Variants in SLC8A1 observed in about 807,000 individuals in gnomAD.
The protein encoded by SLC8A1 is solute carrier family 8 member A1.
In SLC8A1, 18 loss-of-function variants were observed where a neutral mutation model predicts 68.3. The observed-to-expected ratio is 0.26, with a 90% CI of 0.18 to 0.39. SLC8A1 has a LOEUF of 0.39. Ranked by LOEUF, SLC8A1 falls within the 10% of genes least tolerant of loss-of-function variation. SLC8A1 has a pLI of 1.00. For synonymous variants in SLC8A1, 475 were observed against 415.5 expected (o/e 1.14, Z -1.74); for missense variants, 985 against 1,156.7 (o/e 0.85, Z 2.15).
chr2:40,449,334 G>C (rs757807372), intron 1 of SLC8A1, among the ~76,000 whole-genome samples: 1 of 152,086 alleles, frequency 6.6e-6, no homozygotes, highest in African/African-American at 2.4e-5. Flanking sequence ...TTTTGTCAAA[G>C]AAATAGATTG....
intron 1 of SLC8A1, among the ~76,000 whole-genome samples, chr2:40,498,615 A>T (rs1705860778): frequency 6.6e-6 from 1 of 152,136 alleles, no homozygotes; most frequent in South Asian, 2.1e-4. Flanking sequence ...AATACAATTT[A>T]ATGTAATCCT....
At chr2:40,470,840 C>A (rs573095044) in intron 1 of SLC8A1, among the ~76,000 whole-genome samples, 2 of 152,040 alleles carry the variant, frequency 1.3e-5, no homozygotes, top group East Asian at 3.9e-4. Flanking sequence ...GAAGTGTTTT[C>A]AATCAACAAT....
intron 2 of SLC8A1, among the ~76,000 whole-genome samples, chr2:40,206,885 T>C (rs1574053280): frequency 6.6e-6 from 1 of 152,026 alleles, no homozygotes; most frequent in Non-Finnish European, 1.5e-5. Context: ...AGGTGCCACA[T>C]TGTAAATGAT....
At chr2:40,235,455 T>C (rs1034593219) in intron 2 of SLC8A1, among the ~76,000 whole-genome samples, 1 of 152,160 alleles carries the variant, frequency 6.6e-6, no homozygotes, top group Admixed American at 6.5e-5. Context: ...ATCCCCTTTA[T>C]CATTTTTTAT....
intron 1 of SLC8A1, among the ~76,000 whole-genome samples, chr2:40,477,724 G>T (rs745396391): frequency 1.3e-4 from 20 of 152,140 alleles, no homozygotes; most frequent in Non-Finnish European, 2.4e-4. Flanking sequence ...AGTTATATGA[G>T]TGTGTGTGCC....
intron 2 of SLC8A1, among the ~76,000 whole-genome samples, chr2:40,333,842 G>A (rs1271933480): frequency 2.0e-5 from 3 of 152,052 alleles, no homozygotes; most frequent in African/African-American, 4.8e-5. Context: ...TGAGGTCAGG[G>A]GTTTGAGACC....
upstream of SLC8A1, chr2:40,453,302 T>TGGGG (rs541336788): frequency 1.3e-5 from 2 of 151,882 alleles, no homozygotes; most frequent in African/African-American, 4.8e-5. Flanking sequence ...CCAAGGTGTG[T>TGGGG]GGGGGGGTCA....
chr2:40,207,296 A>G (rs536271470), intron 2 of SLC8A1, among the ~76,000 whole-genome samples: 1 of 152,156 alleles, frequency 6.6e-6, no homozygotes, highest in South Asian at 2.1e-4. Context: ...TCAGCTGGCC[A>G]GACACCTTCC....
intron 1 of SLC8A1, among the ~76,000 whole-genome samples, chr2:40,448,055 G>A (rs970829735): frequency 6.6e-6 from 1 of 152,192 alleles, no homozygotes. Context: ...TCTCTGCAAA[G>A]AGAACTTACA....
intron 2 of SLC8A1, among the ~76,000 whole-genome samples, chr2:40,335,295 T>C (rs6544321): frequency 0.064 from 9,765 of 152,262 alleles, 502 homozygotes; most frequent in East Asian, 0.19. Context: ...GCTCATATAT[T>C]TTTCTAATTT....
intron 2 of SLC8A1, among the ~76,000 whole-genome samples, chr2:40,314,455 T>C (rs1010874963): frequency 3.9e-5 from 6 of 152,018 alleles, no homozygotes; most frequent in Non-Finnish European, 8.8e-5. Context: ...GTTCTTTTTT[T>C]CCAGTGGTAT....
intron 2 of SLC8A1, among the ~76,000 whole-genome samples, chr2:40,200,977 CTCTCT>C (rs988116922): frequency 9.9e-5 from 15 of 151,746 alleles, no homozygotes; most frequent in African/African-American, 3.1e-4. Flanking sequence ...CCACACAACA[CTCTCT>C]TCTCTTCTTT....
At chr2:40,120,544 C>A (rs2036550748) in intron 7 of SLC8A1, among the ~76,000 whole-genome samples, 1 of 152,086 alleles carries the variant, frequency 6.6e-6, no homozygotes, top group Non-Finnish European at 1.5e-5. Context: ...TTGGGTGGTG[C>A]ACAGAATACA....
intron 1 of SLC8A1, among the ~76,000 whole-genome samples, chr2:40,474,072 G>A (rs1026520897): frequency 6.6e-6 from 1 of 152,108 alleles, no homozygotes; most frequent in Non-Finnish European, 1.5e-5. Flanking sequence ...TGTCCTTTCT[G>A]TAGTGCAAAT....
At position 40,124,797 on chromosome 2, in the gene SLC8A1, A is replaced by T. The variant is rs181633637; in HGVS notation, c.2438-9168T>A. 1.7e-3 allele frequency among the ~76,000 whole-genome samples: 257 copies of T among 152,392 alleles called. 1 individual carries two copies. Among genetic ancestry groups the T allele is most frequent in the African/African-American group, 5.9e-3 (245 of 41,600 alleles). ...AAATTGCAACTTCATATAACATGAT[A>T]CTGTGCAACTGTTAAAGTACACTAA... On this transcript the variant is annotated intron_variant, in intron 7 of 7. Coordinates refer to ENST00000406785, the Ensembl canonical transcript of SLC8A1.
At chr2:40,212,843 C>T (rs1421700643) in intron 2 of SLC8A1, among the ~76,000 whole-genome samples, 1 of 152,186 alleles carries the variant, frequency 6.6e-6, no homozygotes, top group East Asian at 1.9e-4. Context: ...CTATCAGCCA[C>T]ATGTAGACTT....
intron 2 of SLC8A1, among the ~76,000 whole-genome samples, chr2:40,213,674 T>G (rs1341791304): frequency 6.6e-6 from 1 of 152,140 alleles, no homozygotes; most frequent in African/African-American, 2.4e-5. Context: ...CCCCGTCATC[T>G]CAAATATTTT....
At chr2:40,436,489 C>T (rs866113059) in intron 1 of SLC8A1, among the ~76,000 whole-genome samples, 2 of 152,152 alleles carry the variant, frequency 1.3e-5, no homozygotes, top group African/African-American at 2.4e-5. Flanking sequence ...AAAGACTGAT[C>T]TCCAGCATAA....
At chr2:40,345,210 A>G (rs917174908) in intron 2 of SLC8A1, among the ~76,000 whole-genome samples, 1 of 152,118 alleles carries the variant, frequency 6.6e-6, no homozygotes, top group Admixed American at 6.6e-5. Context: ...CTGTGGCCAC[A>G]ATCAAAGCAT....
Sources: gnomAD v4.1 joint callset for allele counts (sites outside exome capture counted in the v4.1 genomes callset) on GRCh38, gnomAD v4.1.1 for gene constraint, MANE v1.5 for transcripts, NCBI Gene and HGNC (gene_info 2026-07-23, HGNC 2026-07-21) for gene names.